Variants in ATP8B4 observed in about 807,000 individuals in gnomAD.
ATP8B4 encodes the protein ATPase phospholipid transporting 8B4 (putative), also known as probable phospholipid-transporting ATPase IM.
In ATP8B4, 133 loss-of-function variants were observed where a neutral mutation model predicts 145.6. That is an observed-to-expected ratio of 0.91 (90% CI 0.79 to 1.05). The LOEUF (loss-of-function observed/expected upper bound fraction) is 1.05. ATP8B4 is among the 50% of genes least tolerant of loss of function. The pLI, the probability that ATP8B4 is intolerant of heterozygous loss-of-function variation, is 0.00. For synonymous variants in ATP8B4, 507 were observed against 492.9 expected, an observed-to-expected ratio of 1.03 and a Z score of -0.38; for missense variants, 1,458 against 1,425.2, an observed-to-expected ratio of 1.02 and a Z score of -0.37.
chr15:50,032,858 A>G (rs944279961), intron 6 of ATP8B4, among the ~76,000 whole-genome samples: 19 of 152,202 alleles, frequency 1.2e-4, no homozygotes, highest in African/African-American at 4.1e-4. Flanking sequence ...ATTACTTTGG[A>G]TAGTGGAAGA....
At chr15:50,175,040 G>A (rs758269331) in intron 1 of ATP8B4, among the ~76,000 whole-genome samples, 5 of 152,092 alleles carry the variant, frequency 3.3e-5, no homozygotes, top group Non-Finnish European at 5.9e-5. Flanking sequence ...AACATAAAGT[G>A]GGGAAAGGAT....
chr15:49,911,249 A>G (rs1003707659), intron 20 of ATP8B4, among the ~76,000 whole-genome samples: 1 of 152,040 alleles, frequency 6.6e-6, no homozygotes, highest in African/African-American at 2.4e-5. Context: ...ATCTATAAAA[A>G]TGTGATCTAT....
At chr15:49,948,281 C>CAAAAAAAA (rs35575312) in intron 14 of ATP8B4, among the ~76,000 whole-genome samples, 1 of 112,318 alleles carries the variant, frequency 8.9e-6, no homozygotes. Flanking sequence ...ACTAAAAATA[C>CAAAAAAAA]AAAAAAAAAA....
intron 1 of ATP8B4, among the ~76,000 whole-genome samples, chr15:50,137,266 C>G (rs534323293): frequency 5.9e-5 from 9 of 152,348 alleles, no homozygotes; most frequent in Non-Finnish European, 1.2e-4. Flanking sequence ...CCTAATATCC[C>G]TGGCTCTTAC....
intron 2 of ATP8B4, among the ~76,000 whole-genome samples, chr15:50,083,471 G>A (rs2054690124): frequency 6.6e-6 from 1 of 151,858 alleles, no homozygotes; most frequent in Non-Finnish European, 1.5e-5. Context: ...ATCAGCATCT[G>A]CCCCAAAGAT....
intron 1 of ATP8B4, among the ~76,000 whole-genome samples, chr15:50,139,962 G>C (rs2044184832): frequency 6.6e-6 from 1 of 151,966 alleles, no homozygotes; most frequent in African/African-American, 2.4e-5. Flanking sequence ...TGGGAGGTAA[G>C]CTATGAGTAC....
chr15:50,000,785 T>C lies in ATP8B4; in HGVS notation c.506+1368A>G, dbSNP rs192491847. On this transcript the variant is annotated intron_variant, in intron 8 of 27. Transcript: ENST00000284509. ...GTCTAAGAATCTGACCAGACAGCCC[T>C]AGATTTCAAAGATTTCCTCCTATTT... 2.3e-3 allele frequency among the ~76,000 whole-genome samples: 354 copies of C among 152,264 alleles called. 3 individuals are homozygous for C. The highest frequency in any genetic ancestry group is 8.3e-3 in the African/African-American group (347 of 41,566).
At chr15:50,135,761 G>A (rs1188030439) in intron 1 of ATP8B4, among the ~76,000 whole-genome samples, 5 of 152,148 alleles carry the variant, frequency 3.3e-5, no homozygotes, top group Non-Finnish European at 1.5e-5. Flanking sequence ...CGTTGAAGCA[G>A]AGTACCATAA....
At chr15:50,043,488 C>G (rs563599749) in intron 5 of ATP8B4, among the ~76,000 whole-genome samples, 64 of 152,218 alleles carry the variant, frequency 4.2e-4, no homozygotes, top group African/African-American at 1.5e-3. Flanking sequence ...ACCCCTGAGA[C>G]AGTAAAACCA....
intron 3 of ATP8B4, among the ~76,000 whole-genome samples, chr15:50,066,619 C>A (rs941160422): frequency 2.0e-4 from 31 of 152,136 alleles, no homozygotes; most frequent in African/African-American, 7.5e-4. Flanking sequence ...GGAGTTTTAC[C>A]TTTCCATGGA....
chr15:50,173,021 CCCATCCGGGAGGTGGGGGCAGCCT>C (rs1214123732), intron 1 of ATP8B4, among the ~76,000 whole-genome samples: 12,362 of 148,204 alleles, frequency 0.083, 740 homozygotes, highest in African/African-American at 0.15. Flanking sequence ...GGGGGCAGCC[CCCATCCGGGAGGTGGGGGCAGCCT>C]CCGCCCGGCC....
At chr15:49,889,200 G>A (rs556376098) in intron 23 of ATP8B4, among the ~76,000 whole-genome samples, 9 of 152,100 alleles carry the variant, frequency 5.9e-5, no homozygotes, top group Non-Finnish European at 1.0e-4. Flanking sequence ...GCAGAGCGCT[G>A]AAGTGGGAGC....
intron 10 of ATP8B4, among the ~76,000 whole-genome samples, chr15:49,985,809 AT>A (rs2153540581): frequency 6.6e-6 from 1 of 152,294 alleles, no homozygotes; most frequent in South Asian, 2.1e-4. Flanking sequence ...TTTGTCAAGC[AT>A]CCTTTTCCGT....
At chr15:50,028,977 G>A (rs1196157869) in intron 6 of ATP8B4, among the ~76,000 whole-genome samples, 1 of 152,084 alleles carries the variant, frequency 6.6e-6, no homozygotes, top group African/African-American at 2.4e-5. Flanking sequence ...GCTCACACCT[G>A]TAATCCCAGC....
At chr15:49,909,406 A>G (rs895149005) in intron 20 of ATP8B4, among the ~76,000 whole-genome samples, 1 of 152,174 alleles carries the variant, frequency 6.6e-6, no homozygotes, top group African/African-American at 2.4e-5. Context: ...GAGTTGTCCA[A>G]CCACTGCTAC....
intron 12 of ATP8B4, among the ~76,000 whole-genome samples, chr15:49,973,497 G>A (rs151276582): frequency 1.3e-5 from 2 of 152,278 alleles, no homozygotes; most frequent in South Asian, 2.1e-4. Flanking sequence ...TGCCAAAAGA[G>A]ATAGAAAACA....
chr15:50,156,542 T>C (rs926266668), intron 1 of ATP8B4, among the ~76,000 whole-genome samples: 3 of 152,124 alleles, frequency 2.0e-5, no homozygotes, highest in Non-Finnish European at 4.4e-5. Flanking sequence ...GTGAGTTTTA[T>C]TTCAACACCA....
rs776931440 is a variant in ATP8B4, at chr15:49,920,292, T to A, written c.1877A>T (p.Asp626Val). Residue 626 changes from aspartate to valine, a missense_variant, in exon 18 of 28, where the codon GAT becomes GTT. By Grantham distance (152) the Asp-to-Val change is radical (BLOSUM62 -3). Transcript: ENST00000284509. ...TTCATATAGCCCAGCTATTCGTTCA[T>A]CCCTCTCTTCTGTGGCAGCATTCGC... is the stretch of plus-strand genomic sequence containing the variant. ...EDANAATEER[D>V]ERIAGLYEEI... 6.2e-7 allele frequency: 1 copy of A among 1,614,192 alleles called. No individual in the cohort carries two copies. Among genetic ancestry groups the A allele is most frequent in the East Asian group, 2.2e-5 (1 of 44,888 alleles).
rs142280058 is a variant in ATP8B4, at chr15:50,047,458, G to A, written c.94C>T (p.Arg32Cys). Reference protein sequence around the residue: ...YNEKFQYADNRIHTSKYNILT... With the variant: ...YNEKFQYADNCIHTSKYNILT... ...ATATTATATTTCGATGTGTGGATAC[G>A]ATTATCCTGGAAAAGAAATAGCATC... The change falls in exon 4 of 28, where the codon CGT becomes TGT. Residue 32 changes from arginine to cysteine, a missense_variant. Transcript: ENST00000284509. The A allele has an allele frequency of 2.3e-5, 36 of 1,536,226 alleles. No individual in the cohort carries two copies. The highest frequency in any genetic ancestry group is 1.8e-4 in the African/African-American group (13 of 73,138).
Sources: gnomAD v4.1 joint callset for allele counts (sites outside exome capture counted in the v4.1 genomes callset) on GRCh38, gnomAD v4.1.1 for gene constraint, MANE v1.5 for transcripts, NCBI Gene and HGNC (gene_info 2026-07-23, HGNC 2026-07-21) for gene names.